Variants in RORA observed in about 807,000 individuals in gnomAD.
The protein encoded by RORA is RAR related orphan receptor A, also known as nuclear receptor ROR-alpha.
A neutral mutation model predicts 69.5 loss-of-function variants in RORA; 7 were observed. The observed-to-expected ratio is 0.10, with a 90% CI of 0.06 to 0.19. The LOEUF (loss-of-function observed/expected upper bound fraction) is 0.19. Among genes scored for constraint, RORA ranks in the 10% least tolerant of loss-of-function variants. The pLI, the probability that RORA is intolerant of heterozygous loss-of-function variation, is 1.00. For synonymous variants in RORA, 261 were observed against 240.8 expected (o/e 1.08, Z -0.78); for missense variants, 457 against 663.0 (o/e 0.69, Z 3.41).
rs1200742735 is a variant in RORA at position 61,040,133 on chromosome 15, T to G, written c.166+188920A>C. Among the ~76,000 whole-genome samples, 35 of 90,982 alleles carry G rather than the reference T, an allele frequency of 3.8e-4. 2 individuals carry two copies. The East Asian group carries it at 6.5e-3, about 17-fold the overall frequency. 59.7% of individuals were successfully genotyped at this position (90,982 alleles called of 152,430 possible). A position where few individuals can be genotyped will look rare whatever the true frequency, so the allele number is the denominator to read the frequency against. ...GCTTTGATATATATATATATATATA[T>G]ATATATATATATATATATATATATA... On this transcript the variant is annotated intron_variant, in intron 1 of 10. Transcript: ENST00000335670.
chr15:61,016,027 A>C (rs1325747733), intron 1 of RORA, among the ~76,000 whole-genome samples: 1 of 152,208 alleles, frequency 6.6e-6, no homozygotes, highest in Non-Finnish European at 1.5e-5. Context: ...AGGAACTAGC[A>C]GTGGCAGCCT....
At chr15:60,642,818 G>C (rs571859059) in intron 2 of RORA, among the ~76,000 whole-genome samples, 51 of 152,272 alleles carry the variant, frequency 3.3e-4, no homozygotes, top group African/African-American at 1.2e-3. Context: ...TAGGCATTCA[G>C]TGAGCTATGA....
chr15:60,739,505 A>T (rs2071545524), intron 1 of RORA, among the ~76,000 whole-genome samples: 1 of 152,090 alleles, frequency 6.6e-6, no homozygotes. Context: ...CAGGAGGCAG[A>T]GGCTATGATG....
At chr15:61,006,894 G>A (rs906253673) in intron 1 of RORA, among the ~76,000 whole-genome samples, 1 of 152,020 alleles carries the variant, frequency 6.6e-6, no homozygotes, top group Admixed American at 6.5e-5. Flanking sequence ...CTCTTGAAGT[G>A]TCACAAAAAT....
At chr15:60,605,235 T>A (rs1341558913) in intron 2 of RORA, among the ~76,000 whole-genome samples, 1 of 152,054 alleles carries the variant, frequency 6.6e-6, no homozygotes, top group Non-Finnish European at 1.5e-5. Context: ...AAAAAAAAAA[T>A]TCCTGAATGT....
At chr15:60,882,069 C>G (rs1473579464) in intron 1 of RORA, among the ~76,000 whole-genome samples, 1 of 152,146 alleles carries the variant, frequency 6.6e-6, no homozygotes, top group Non-Finnish European at 1.5e-5. Context: ...GCTAGTTAAC[C>G]CAGGTGGGGC....
chr15:60,592,277 G>C (rs1419642971), intron 2 of RORA: 2 of 750,948 alleles, frequency 2.7e-6, no homozygotes, highest in Middle Eastern at 4.7e-4. Context: ...GCCGAGCCCC[G>C]GGCAGTACGT....
chr15:60,579,127 G>A (rs1567101580), intron 2 of RORA, among the ~76,000 whole-genome samples: 1 of 148,236 alleles, frequency 6.7e-6, no homozygotes, highest in Non-Finnish European at 1.5e-5. Context: ...ATGACTGCTG[G>A]TACAGCTTGG....
At chr15:61,110,992 G>A (rs549132281) in intron 1 of RORA, among the ~76,000 whole-genome samples, 177 of 152,206 alleles carry the variant, frequency 1.2e-3, no homozygotes, top group African/African-American at 4.0e-3. Context: ...CCACACATAG[G>A]AGACTTCCAC....
chr15:61,015,252 T>C (rs1359428569), intron 1 of RORA, among the ~76,000 whole-genome samples: 1 of 152,200 alleles, frequency 6.6e-6, no homozygotes, highest in Non-Finnish European at 1.5e-5. Context: ...GATTCTATTT[T>C]AATCCAAGGA....
chr15:60,942,589 A>G (rs1420313968), intron 1 of RORA, among the ~76,000 whole-genome samples: 1 of 152,252 alleles, frequency 6.6e-6, no homozygotes, highest in Non-Finnish European at 1.5e-5. Flanking sequence ...TAATCAGTTT[A>G]TAAGATTATC....
rs567315714 is a variant in RORA at position 60,968,586 on chromosome 15, A to T, written c.166+260467T>A. Among the ~76,000 whole-genome samples the T allele has an allele frequency of 4.6e-5, 7 of 152,238 alleles. No homozygotes were observed. The South Asian group carries it at 1.5e-3, about 32-fold the overall frequency. ...GTGATTTAATTGGTTTTGTATACAAACTGGATATCAGGGATTTTGTCTGTG... is the reference window on the plus strand; with the variant it reads ...GTGATTTAATTGGTTTTGTATACAATCTGGATATCAGGGATTTTGTCTGTG... On this transcript the variant is annotated intron_variant, in intron 1 of 10. Coordinates refer to ENST00000335670, the MANE Select transcript of RORA (RefSeq NM_134261.3).
At chr15:60,743,097 C>T (rs1484733961) in intron 1 of RORA, among the ~76,000 whole-genome samples, 1 of 150,672 alleles carries the variant, frequency 6.6e-6, no homozygotes, top group East Asian at 1.9e-4. Context: ...TCACTGCAAC[C>T]TCCGCCCCCT....
At chr15:61,023,515 G>A (rs1895649502) in intron 1 of RORA, among the ~76,000 whole-genome samples, 1 of 152,190 alleles carries the variant, frequency 6.6e-6, no homozygotes, top group Non-Finnish European at 1.5e-5. Context: ...CACAACACGT[G>A]AGAATTATGG....
At chr15:61,169,893 G>T (rs564828719) in intron 1 of RORA, among the ~76,000 whole-genome samples, 48 of 152,232 alleles carry the variant, frequency 3.2e-4, no homozygotes, top group African/African-American at 1.1e-3. Flanking sequence ...CCTTTCTGTT[G>T]ACCCTATCAG....
At chr15:60,523,956 T>C (rs1052409396) in intron 3 of RORA, among the ~76,000 whole-genome samples, 1 of 152,226 alleles carries the variant, frequency 6.6e-6, no homozygotes, top group Non-Finnish European at 1.5e-5. Context: ...ATTACAGGCA[T>C]GAGCCACTGC....
intron 1 of RORA, among the ~76,000 whole-genome samples, chr15:60,775,358 CT>C (rs2072150073): frequency 6.6e-6 from 1 of 152,134 alleles, no homozygotes; most frequent in Non-Finnish European, 1.5e-5. Context: ...AAAAAAACCC[CT>C]GATTTTCCTA....
chr15:60,587,509 G>T (rs1394683088), intron 2 of RORA, among the ~76,000 whole-genome samples: 1 of 152,148 alleles, frequency 6.6e-6, no homozygotes, highest in Admixed American at 6.5e-5. Flanking sequence ...GAAAAGCTAG[G>T]CTATAACGCA....
chr15:61,190,057 G>T (rs2079782807), intron 1 of RORA, among the ~76,000 whole-genome samples: 1 of 152,016 alleles, frequency 6.6e-6, no homozygotes, highest in African/African-American at 2.4e-5. Flanking sequence ...CTATTGGCCT[G>T]AAGTGAAGCT....
Sources: allele counts gnomAD v4.1 joint callset (sites outside exome capture counted in the v4.1 genomes callset), GRCh38; gene constraint gnomAD v4.1.1; transcripts MANE v1.5; gene names NCBI Gene and HGNC (gene_info 2026-07-23, HGNC 2026-07-21).